The following ARFGEF1 variants were observed in gnomAD, a reference collection of about 807,000 sequenced individuals.
The protein encoded by ARFGEF1 is brefeldin A-inhibited guanine nucleotide-exchange protein 1.
Under a neutral mutation model 231.0 loss-of-function variants are expected in ARFGEF1, and 42 were observed. That is an observed-to-expected ratio of 0.18 (90% CI 0.14 to 0.24). The LOEUF (loss-of-function observed/expected upper bound fraction) is 0.24, where lower values mean the gene tolerates loss of function less well. Among genes scored for constraint, ARFGEF1 ranks in the 10% least tolerant of loss-of-function variants. The probability of loss-of-function intolerance (pLI) is 1.00; values close to 1 mark genes in which losing one functional copy is unlikely to be tolerated. For synonymous variants in ARFGEF1, 710 were observed against 732.3 expected (o/e 0.97, Z 0.49); for missense variants, 1,345 against 2,192.0 (o/e 0.61, Z 7.72).
At chr8:67,222,184 T>TATATATATATATATATACAC (rs1554636798) in intron 29 of ARFGEF1, among the ~76,000 whole-genome samples, 84 of 65,684 alleles carry the variant, frequency 1.3e-3, no homozygotes, top group Non-Finnish European at 2.5e-3. Context: ...TATATACACA[T>TATATATATATATATATACAC]ATATATATAT....
At chr8:67,244,262 AAAAAAAC>A (rs1840028701) in intron 19 of ARFGEF1, among the ~76,000 whole-genome samples, 1 of 25,632 alleles carries the variant, frequency 3.9e-5, no homozygotes, top group African/African-American at 2.3e-4. Context: ...AAAAAAAAAA[AAAAAAAC>A]ATTCGACTAC....
chr8:67,222,356 C>T (rs1475880338), intron 29 of ARFGEF1, among the ~76,000 whole-genome samples: 2 of 150,468 alleles, frequency 1.3e-5, no homozygotes, highest in Non-Finnish European at 3.0e-5. Flanking sequence ...ACCTCCGCCT[C>T]CTGGGTTCAA....
At chr8:67,264,223 T>C (rs758592786) in intron 14 of ARFGEF1, among the ~76,000 whole-genome samples, 13 of 152,134 alleles carry the variant, frequency 8.5e-5, no homozygotes, top group Non-Finnish European at 1.6e-4. Flanking sequence ...GGTAAGCCAA[T>C]TGAAAGATTA....
chr8:67,195,792 A>G, downstream of ARFGEF1: 1 of 549,470 alleles, frequency 1.8e-6, no homozygotes, highest in Non-Finnish European at 3.3e-6. Context: ...ATAGAATTGT[A>G]TAGATTATTT....
chr8:67,222,904 T>C (rs1363106114), intron 29 of ARFGEF1, among the ~76,000 whole-genome samples: 1 of 152,158 alleles, frequency 6.6e-6, no homozygotes, highest in Non-Finnish European at 1.5e-5. Flanking sequence ...TATGTTTAGA[T>C]ACACAAACAC....
chr8:67,202,479 G>A (rs933532663), intron 36 of ARFGEF1, among the ~76,000 whole-genome samples: 1 of 152,020 alleles, frequency 6.6e-6, no homozygotes, highest in African/African-American at 2.4e-5. Context: ...GGGTGGTTTC[G>A]AACTTCTGGC....
chr8:67,275,888 AG>A, intron 9 of ARFGEF1, 87 bp downstream of exon 9: 1 of 1,523,008 alleles, frequency 6.6e-7, no homozygotes. Flanking sequence ...TAGGACAAAA[AG>A]AACAAAAGAA....
chr8:67,246,314 C>A (rs1563862086), intron 19 of ARFGEF1, among the ~76,000 whole-genome samples: 1 of 150,570 alleles, frequency 6.6e-6, no homozygotes. Flanking sequence ...CATACACATT[C>A]TTTTCCTCAG....
rs1290910175 is a variant in ARFGEF1 at position 67,244,272 on chromosome 8, T to C, written c.2851-3982A>G. Among the ~76,000 whole-genome samples the C allele has an allele frequency of 4.5e-4, 4 of 8,836 alleles. 2 individuals carry two copies. Among genetic ancestry groups the C allele is most frequent in the East Asian group, 9.3e-3 (2 of 216 alleles). 5.8% of individuals were successfully genotyped at this position (8,836 alleles called of 152,430 possible). A position where few individuals can be genotyped will look rare whatever the true frequency, so the allele number is the denominator to read the frequency against. On this transcript the variant is annotated intron_variant, in intron 19 of 38. Coordinates refer to ENST00000262215, the MANE Select transcript of ARFGEF1 (RefSeq NM_006421.5). ...AAAAAAAAAAAAAAAAAAAAAACATTCGACTACTGAGTCTCTCGTCTCTCT... is the reference window on the plus strand; with the variant it reads ...AAAAAAAAAAAAAAAAAAAAAACATCCGACTACTGAGTCTCTCGTCTCTCT...
At chr8:67,222,142 T>A (rs990526814) in intron 29 of ARFGEF1, among the ~76,000 whole-genome samples, 3 of 147,788 alleles carry the variant, frequency 2.0e-5, no homozygotes, top group African/African-American at 7.4e-5. Context: ...TTATGCCATG[T>A]TTTTACTGTA....
At chr8:67,238,525 T>G (rs759111481) in intron 21 of ARFGEF1, 32 bp from the exon 22 acceptor site, 2 of 1,576,818 alleles carry the variant, frequency 1.3e-6, no homozygotes, top group Admixed American at 3.8e-5. Context: ...AATGTTAAAT[T>G]CCATGTTAAA....
chr8:67,207,321 A>C (rs961087568), intron 34 of ARFGEF1: 1 of 152,262 alleles, frequency 6.6e-6, no homozygotes, highest in African/African-American at 2.4e-5. Flanking sequence ...TGAGTTGCTC[A>C]GGGGTGTTAA....
chr8:67,236,365 AATATATATATATATAT>A (rs34297561), intron 22 of ARFGEF1, among the ~76,000 whole-genome samples: 334 of 28,820 alleles, frequency 0.012, 3 homozygotes, highest in African/African-American at 0.015. Context: ...AAAAAAAAAA[AATATATATATATATAT>A]ATATATATAT....
At chr8:67,240,075 C>A in intron 20 of ARFGEF1, 87 bp downstream of exon 20, 2 of 1,515,412 alleles carry the variant, frequency 1.3e-6, no homozygotes, top group Non-Finnish European at 1.8e-6. Context: ...TAATGTCACA[C>A]ATAAACAATT....
chr8:67,326,483 A>G (rs897729803), intron 1 of ARFGEF1, among the ~76,000 whole-genome samples: 3 of 152,252 alleles, frequency 2.0e-5, no homozygotes, highest in Admixed American at 6.5e-5. Flanking sequence ...GGATACATAC[A>G]TGAAAATGAG....
chr8:67,221,855 C>A (rs1442213361), intron 29 of ARFGEF1, among the ~76,000 whole-genome samples: 3 of 150,796 alleles, frequency 2.0e-5, no homozygotes, highest in African/African-American at 7.3e-5. Flanking sequence ...GCTCTGTCGC[C>A]CAGGCTGGAG....
chr8:67,328,474 T>G (rs1807943868), intron 1 of ARFGEF1, among the ~76,000 whole-genome samples: 1 of 152,170 alleles, frequency 6.6e-6, no homozygotes, highest in Non-Finnish European at 1.5e-5. Context: ...ATCTCTCTGA[T>G]TATTGTTTTG....
intron 4 of ARFGEF1, among the ~76,000 whole-genome samples, chr8:67,298,290 A>G (rs996771253): frequency 2.6e-5 from 4 of 152,186 alleles, no homozygotes; most frequent in Non-Finnish European, 5.9e-5. Context: ...AAAATATACC[A>G]CCACTACCAT....
intron 1 of ARFGEF1, among the ~76,000 whole-genome samples, chr8:67,330,958 A>C (rs1425659145): frequency 6.6e-6 from 1 of 152,236 alleles, no homozygotes; most frequent in African/African-American, 2.4e-5. Flanking sequence ...TAAGAAGAGA[A>C]GGCAAGAAAA....
Sources: allele counts gnomAD v4.1 joint callset (sites outside exome capture counted in the v4.1 genomes callset), GRCh38; gene constraint gnomAD v4.1.1; transcripts MANE v1.5; gene names NCBI Gene and HGNC (gene_info 2026-07-23, HGNC 2026-07-21).